Variants in DTD1 observed in about 807,000 individuals in gnomAD.
DTD1 encodes the protein D-aminoacyl-tRNA deacylase 1, also known as D-tyrosyl-tRNA deacylase 1 homolog.
A neutral mutation model predicts 25.6 loss-of-function variants in DTD1; 13 were observed. That is an observed-to-expected ratio of 0.51 (90% CI 0.33 to 0.81). The LOEUF is 0.81. DTD1 is among the 30% of genes least tolerant of loss of function. The pLI, the probability that DTD1 is intolerant of heterozygous loss-of-function variation, is 0.02. For synonymous variants in DTD1, 110 were observed against 103.6 expected (o/e 1.06, Z -0.37); for missense variants, 193 against 266.4 (o/e 0.72, Z 1.92).
At chr20:18,617,717 C>A (rs1188650411) in intron 3 of DTD1, among the ~76,000 whole-genome samples, 1 of 151,250 alleles carries the variant, frequency 6.6e-6, no homozygotes, top group African/African-American at 2.4e-5. Flanking sequence ...TTTTTTCTAT[C>A]CATCTATCCA....
chr20:18,646,900 T>C (rs955814756), intron 4 of DTD1, among the ~76,000 whole-genome samples: 8 of 152,214 alleles, frequency 5.3e-5, no homozygotes, highest in African/African-American at 1.7e-4. Context: ...AGGGCATGCA[T>C]GTTAATGAGC....
rs751474809 is a variant in DTD1 at position 18,618,672 on chromosome 20, T to TACACACACACACAC, written c.371-9427_371-9414dup. Among the ~76,000 whole-genome samples the TACACACACACACAC allele has an allele frequency of 1.5e-3, 192 of 130,546 alleles. 1 individual carries two copies. The highest frequency in any genetic ancestry group is 3.8e-3 in the Middle Eastern group (1 of 262). 85.6% of individuals were successfully genotyped at this position (130,546 alleles called of 152,430 possible). A position where few individuals can be genotyped will look rare whatever the true frequency, so the allele number is the denominator to read the frequency against. Reference sequence around the variant, plus strand: ...ATATGTGTATATATACATAATTTTATACACACACACACACACACACACACA... The same window carrying TACACACACACACAC: ...ATATGTGTATATATACATAATTTTATACACACACACACACACACACACACACACACACACACACA... On this transcript the variant is annotated intron_variant, in intron 3 of 5. Transcript: ENST00000377452.
rs200003769 is a variant in DTD1 at position 18,737,404 on chromosome 20, AC to A, written c.478-6689del. Among the ~76,000 whole-genome samples, 1,382 of 151,350 alleles carry A rather than the reference AC, an allele frequency of 9.1e-3. 9 individuals carry two copies. Among genetic ancestry groups the A allele is most frequent in the Non-Finnish European group, 0.013 (849 of 67,830 alleles). On this transcript the variant is annotated intron_variant, in intron 4 of 5. Coordinates refer to ENST00000377452, the MANE Select transcript of DTD1 (RefSeq NM_080820.6). ...AACTTGGGGCTTGCCTGCCCTGGAG[AC>A]CCCCCCATACTTTGGCCACCCAGTG...
chr20:18,745,933 C>T (rs1023357499), intron 5 of DTD1, among the ~76,000 whole-genome samples: 1 of 151,914 alleles, frequency 6.6e-6, no homozygotes, highest in Admixed American at 6.6e-5. Context: ...GCAGATAGGC[C>T]CATTAGGAGG....
At chr20:18,683,239 A>T (rs1322038640) in intron 4 of DTD1, among the ~76,000 whole-genome samples, 4 of 152,142 alleles carry the variant, frequency 2.6e-5, no homozygotes, top group African/African-American at 9.7e-5. Flanking sequence ...CTAGGTGAAA[A>T]TAGACTACCT....
At chr20:18,740,734 T>G in intron 4 of DTD1, among the ~76,000 whole-genome samples, 1 of 152,184 alleles carries the variant, frequency 6.6e-6, no homozygotes, top group Admixed American at 6.5e-5. Context: ...TATAGCTTAG[T>G]AGTAATGGGT....
chr20:18,652,044 G>A (rs1385618353), intron 4 of DTD1, among the ~76,000 whole-genome samples: 1 of 152,222 alleles, frequency 6.6e-6, no homozygotes, highest in Non-Finnish European at 1.5e-5. Flanking sequence ...TGGCTTCTGA[G>A]AAGGCCTCAT....
At chr20:18,615,949 G>A (rs1287840818) in intron 3 of DTD1, among the ~76,000 whole-genome samples, 2 of 152,164 alleles carry the variant, frequency 1.3e-5, no homozygotes, top group South Asian at 2.1e-4. Flanking sequence ...CTTGATTTCT[G>A]TGGATTTGTT....
chr20:18,708,748 T>C (rs55667374), intron 4 of DTD1, among the ~76,000 whole-genome samples: 176 of 152,284 alleles, frequency 1.2e-3, no homozygotes, highest in Middle Eastern at 3.4e-3. Flanking sequence ...AGTGGTCTGT[T>C]GCCCTTTCTT....
Position 18,708,107 on chromosome 20 carries a change from C to T in DTD1, c.478-35993C>T, listed in dbSNP as rs557514263. ...ATGTGCCGTGGGTATACAGTACACA[C>T]TGGATCAAAGATGTAGTATATAAAG... is the stretch of plus-strand genomic sequence containing the variant. On this transcript the variant is annotated intron_variant, in intron 4 of 5. Transcript: ENST00000377452. Among the ~76,000 whole-genome samples the T allele has an allele frequency of 9.7e-5, 14 of 144,596 alleles. No homozygotes were observed. The East Asian group carries it at 2.2e-3, about 23-fold the overall frequency. 94.9% of individuals were successfully genotyped at this position (144,596 alleles called of 152,430 possible).
chr20:18,675,820 A>ATG (rs1315697487), intron 4 of DTD1, among the ~76,000 whole-genome samples: 1 of 151,706 alleles, frequency 6.6e-6, no homozygotes, highest in African/African-American at 2.4e-5. Flanking sequence ...TTACACACAT[A>ATG]TATGTAAATA....
At chr20:18,615,536 G>A (rs1157768354) in intron 3 of DTD1, among the ~76,000 whole-genome samples, 1 of 152,150 alleles carries the variant, frequency 6.6e-6, no homozygotes, top group Non-Finnish European at 1.5e-5. Flanking sequence ...CAAGTTGAGT[G>A]TTAAGCATGT....
chr20:18,723,974 A>G (rs1326774625), intron 4 of DTD1, among the ~76,000 whole-genome samples: 3 of 152,150 alleles, frequency 2.0e-5, no homozygotes, highest in East Asian at 1.9e-4. Flanking sequence ...GGCTTCCCTC[A>G]TGGTCCTAGA....
intron 5 of DTD1, among the ~76,000 whole-genome samples, chr20:18,756,937 T>A (rs2061341861): frequency 6.8e-6 from 1 of 147,646 alleles, no homozygotes; most frequent in African/African-American, 2.5e-5. Flanking sequence ...TTATCCTCTT[T>A]TATTTCATTG....
At chr20:18,681,828 A>G (rs1288892273) in intron 4 of DTD1, among the ~76,000 whole-genome samples, 1 of 152,256 alleles carries the variant, frequency 6.6e-6, no homozygotes, top group African/African-American at 2.4e-5. Flanking sequence ...TTGGATCTAC[A>G]TATAGAACAG....
At chr20:18,654,127 T>C (rs2060883705) in intron 4 of DTD1, among the ~76,000 whole-genome samples, 1 of 152,272 alleles carries the variant, frequency 6.6e-6, no homozygotes, top group African/African-American at 2.4e-5. Flanking sequence ...TGATATGTTT[T>C]GGCTGTGTCC....
At chr20:18,630,162 G>A (rs2060779568) in intron 4 of DTD1, among the ~76,000 whole-genome samples, 1 of 151,960 alleles carries the variant, frequency 6.6e-6, no homozygotes, top group Non-Finnish European at 1.5e-5. Flanking sequence ...GAAAATGTAA[G>A]CTTTTTATTG....
intron 5 of DTD1, among the ~76,000 whole-genome samples, chr20:18,746,302 C>T (rs2122524306): frequency 6.6e-6 from 1 of 152,306 alleles, no homozygotes; most frequent in Admixed American, 6.5e-5. Context: ...GATAGAAGAA[C>T]ATCCAGAAGG....
At chr20:18,754,856 G>A (rs2061333048) in intron 5 of DTD1, among the ~76,000 whole-genome samples, 1 of 152,242 alleles carries the variant, frequency 6.6e-6, no homozygotes, top group South Asian at 2.1e-4. Context: ...AGCTGGAACA[G>A]TGTCCACTGC....
Sources: gnomAD v4.1 joint callset for allele counts (sites outside exome capture counted in the v4.1 genomes callset) on GRCh38, gnomAD v4.1.1 for gene constraint, MANE v1.5 for transcripts, NCBI Gene and HGNC (gene_info 2026-07-23, HGNC 2026-07-21) for gene names.